MYO1E: variants seen among roughly 807,000 people sequenced by gnomAD.
MYO1E encodes unconventional myosin-Ie.
Under a neutral mutation model 151.1 loss-of-function variants are expected in MYO1E, and 68 were observed. The observed-to-expected ratio is 0.45, with a 90% CI of 0.37 to 0.55. The LOEUF (loss-of-function observed/expected upper bound fraction) is 0.55, where lower values mean the gene tolerates loss of function less well. Ranked by LOEUF, MYO1E falls within the 20% of genes least tolerant of loss-of-function variation. The probability of loss-of-function intolerance (pLI) is 0.00; values close to 1 mark genes in which losing one functional copy is unlikely to be tolerated. For missense variants in MYO1E, 1,363 were observed against 1,389.3 expected, an observed-to-expected ratio of 0.98 and a Z score of 0.30; for synonymous variants, 601 against 501.7, an observed-to-expected ratio of 1.20 and a Z score of -2.64.
At chr15:59,249,931 T>C (rs1006387364) in intron 4 of MYO1E, among the ~76,000 whole-genome samples, 13 of 152,032 alleles carry the variant, frequency 8.6e-5, no homozygotes, top group Non-Finnish European at 1.8e-4. Flanking sequence ...TCCAACATTA[T>C]TTGGAAGGAA....
At chr15:59,163,489 C>G (rs2079549216) in intron 22 of MYO1E, among the ~76,000 whole-genome samples, 186 bp from the exon 23 acceptor site, 1 of 151,956 alleles carries the variant, frequency 6.6e-6, no homozygotes, top group Non-Finnish European at 1.5e-5. Flanking sequence ...TTGCTGAAAT[C>G]TGCTTTCAAA....
intron 1 of MYO1E, among the ~76,000 whole-genome samples, chr15:59,318,200 G>C (rs1460658458): frequency 2.0e-5 from 3 of 152,160 alleles, no homozygotes; most frequent in Non-Finnish European, 4.4e-5. Flanking sequence ...GTATACCCAG[G>C]CCTCTCCAGC....
chr15:59,314,602 C>T (rs1423706429), intron 1 of MYO1E, among the ~76,000 whole-genome samples: 104 of 151,950 alleles, frequency 6.8e-4, no homozygotes, highest in Non-Finnish European at 8.8e-5. Flanking sequence ...GTGGCTTAGG[C>T]TCATTATACA....
intron 9 of MYO1E, 184 bp from the exon 10 acceptor site, chr15:59,218,271 T>C: frequency 1.4e-6 from 1 of 722,840 alleles, no homozygotes; most frequent in Non-Finnish European, 2.5e-6. Flanking sequence ...CACATCCATC[T>C]CCTTTGTTTT....
At chr15:59,211,554 C>T (rs1345773802) in intron 12 of MYO1E, among the ~76,000 whole-genome samples, 3 of 152,164 alleles carry the variant, frequency 2.0e-5, no homozygotes, top group Admixed American at 1.3e-4. Flanking sequence ...GGGTTCCAGA[C>T]TCAAATCCAT....
In MYO1E at chr15:59,221,704, C is replaced by T. The variant is rs572097181; in HGVS notation, c.910+1355G>A. 8.5e-5 allele frequency among the ~76,000 whole-genome samples: 13 copies of T among 152,330 alleles called. No homozygotes were observed. The South Asian group carries it at 2.5e-3, about 29-fold the overall frequency. On this transcript the variant is annotated intron_variant, in intron 9 of 27. Transcript: ENST00000288235. ...GGCAGTTGCCAGTGCTCGGCCTTAC[C>T]CATCTGGCTGAGAAGACTACTAACT...
chr15:59,158,556 T>C (rs2079521030), intron 24 of MYO1E, among the ~76,000 whole-genome samples, 177 bp from the exon 25 acceptor site: 1 of 152,080 alleles, frequency 6.6e-6, no homozygotes, highest in Non-Finnish European at 1.5e-5. Flanking sequence ...TGGTAGCTAT[T>C]GGGTGGGAGG....
intron 10 of MYO1E, among the ~76,000 whole-genome samples, chr15:59,215,593 T>C (rs2140343670): frequency 6.6e-6 from 1 of 152,298 alleles, no homozygotes; most frequent in South Asian, 2.1e-4. Context: ...AACAATTCTT[T>C]GAGGTGATGA....
rs778885841 is a variant in MYO1E, at chr15:59,161,097, C to T, written c.2761G>A (p.Gly921Arg). 3.5e-5 allele frequency: 57 copies of T among 1,613,652 alleles called. No individual in the cohort carries two copies. The highest frequency in any genetic ancestry group is 5.0e-5 in the Admixed American group (3 of 59,984). ...CGGGAGTTCTTGGGCAGTCCAGGTC[C>T]GATGCTGACCTGCAGCACTTTGTTA... is the stretch of plus-strand genomic sequence containing the variant. The part of the protein sequence containing the change: ...PSNKVLQVSI[G>R]PGLPKNSRPT... The change falls in exon 24 of 28, where the codon GGA (glycine) becomes AGA (arginine). Residue 921 changes from glycine (G) to arginine (R), a missense_variant. Transcript: ENST00000288235.
chr15:59,294,106 G>T (rs1297325673), intron 1 of MYO1E, among the ~76,000 whole-genome samples: 2 of 152,190 alleles, frequency 1.3e-5, no homozygotes, highest in African/African-American at 4.8e-5. Flanking sequence ...GTTCCCACTG[G>T]AAAGAGCGTC....
chr15:59,240,440 G>A (rs996495879), intron 4 of MYO1E, among the ~76,000 whole-genome samples: 3 of 152,188 alleles, frequency 2.0e-5, no homozygotes, highest in Middle Eastern at 3.4e-3. Flanking sequence ...AAATATCAAC[G>A]AAATGGAAAG....
Position 59,331,195 on chromosome 15 carries a change from C to G in MYO1E, c.3+41303G>C, listed in dbSNP as rs559268025. ...AAGCCTAAAATATTTACTATCTAGC[C>G]TTTTACAGAAGAATTTTGCTAAACC... On this transcript the variant is annotated intron_variant, in intron 1 of 27. Coordinates refer to ENST00000288235, the MANE Select transcript of MYO1E (RefSeq NM_004998.4). Among the ~76,000 whole-genome samples the G allele has an allele frequency of 3.9e-5, 6 of 152,300 alleles. No individual in the cohort carries two copies. In the East Asian group the frequency reaches 1.2e-3, roughly 29 times the overall value.
chr15:59,255,358 G>C (rs1481496365), intron 4 of MYO1E, among the ~76,000 whole-genome samples: 3 of 152,080 alleles, frequency 2.0e-5, no homozygotes, highest in Non-Finnish European at 4.4e-5. Context: ...GCTTACAGGT[G>C]TGAGCCACCC....
In MYO1E at chr15:59,227,464, A is replaced by G. The variant is rs1412067074; in HGVS notation, c.637T>C (p.Tyr213His). 1 of 1,614,160 alleles carries G rather than the reference A, an allele frequency of 6.2e-7. No homozygotes were observed. The highest frequency in any genetic ancestry group is 1.1e-5 in the South Asian group (1 of 91,086). ...NPGERSFHIF[Y>H]QLIEGASAEQ... ...AAAAAAGTAAACAGGAAAACCTGGT[A>G]AAATATGTGAAAACTCCGCTCTCCT... The change falls in exon 7 of 28, where the codon TAC (tyrosine) becomes CAC (histidine). Residue 213 changes from tyrosine (Y) to histidine (H), a missense_variant. Transcript: ENST00000288235.
At chr15:59,311,531 C>T (rs1389649581) in intron 1 of MYO1E, among the ~76,000 whole-genome samples, 4 of 152,128 alleles carry the variant, frequency 2.6e-5, no homozygotes, top group Non-Finnish European at 4.4e-5. Context: ...TTGGGCAGTT[C>T]TGAAGCAGGC....
Position 59,153,760 on chromosome 15 carries a change from C to T in MYO1E, c.2910G>A (p.Gln970=), listed in dbSNP as rs753933351. ...GYHQNGVIRN[Q]YVPYPHAPGS... Reference sequence around the variant, plus strand: ...CAGGAGCATGGGGATATGGCACATACTGGTTTCTGATGACTCCGTTCTGAT... The same window carrying T: ...CAGGAGCATGGGGATATGGCACATATTGGTTTCTGATGACTCCGTTCTGAT... Residue 970 remains glutamine, a synonymous_variant, in exon 26 of 28, where the codon CAG becomes CAA. Transcript: ENST00000288235. The T allele has an allele frequency of 1.2e-6, 2 of 1,613,932 alleles. No homozygotes were observed. The highest frequency in any genetic ancestry group is 4.5e-5 in the East Asian group (2 of 44,894).
chr15:59,302,462 G>A (rs2080488734), intron 1 of MYO1E, among the ~76,000 whole-genome samples: 1 of 152,160 alleles, frequency 6.6e-6, no homozygotes, highest in Non-Finnish European at 1.5e-5. Context: ...GTCACTTAAG[G>A]CCGCTTAGTC....
intron 1 of MYO1E, among the ~76,000 whole-genome samples, chr15:59,367,851 G>A (rs1596446322): frequency 6.6e-6 from 1 of 152,328 alleles, no homozygotes; most frequent in African/African-American, 2.4e-5. Flanking sequence ...CGGGCGTGGT[G>A]GCTCACGTCT....
chr15:59,247,808 C>G (rs1007051303), intron 4 of MYO1E, among the ~76,000 whole-genome samples: 3 of 152,168 alleles, frequency 2.0e-5, no homozygotes, highest in African/African-American at 7.2e-5. Context: ...ATCAGAAATA[C>G]TTATCCCTAG....
Sources: gnomAD v4.1 joint callset for allele counts (sites outside exome capture counted in the v4.1 genomes callset) on GRCh38, gnomAD v4.1.1 for gene constraint, MANE v1.5 for transcripts, NCBI Gene and HGNC (gene_info 2026-07-23, HGNC 2026-07-21) for gene names.